The following TENM3 variants were observed in gnomAD, a reference collection of about 807,000 sequenced individuals.
TENM3 encodes the protein teneurin-3.
TENM3 carries 63 observed loss-of-function variants against 255.1 expected under a neutral mutation model. The ratio of observed to expected loss-of-function variants is 0.25; its 90% CI spans 0.20 to 0.30. The LOEUF is 0.30. Among genes scored for constraint, TENM3 ranks in the 10% least tolerant of loss-of-function variants. The probability of loss-of-function intolerance (pLI) is 1.00; values close to 1 mark genes in which losing one functional copy is unlikely to be tolerated. For synonymous variants in TENM3, 1,306 were observed against 1,322.3 expected (o/e 0.99, Z 0.27); for missense variants, 2,929 against 3,461.1 (o/e 0.85, Z 3.86).
intron 3 of TENM3, among the ~76,000 whole-genome samples, chr4:182,394,433 G>GA (rs1768657275): frequency 6.6e-6 from 1 of 152,094 alleles, no homozygotes; most frequent in South Asian, 2.1e-4. Flanking sequence ...CTTATCTTGT[G>GA]AAAAAATAAG....
At chr4:181,920,380 T>A in the TENM3 span, among the ~76,000 whole-genome samples, 1 of 151,904 alleles carries the variant, frequency 6.6e-6, no homozygotes, top group East Asian at 1.9e-4. Context: ...TTTCTCCACA[T>A]CCTCTCCAGC....
chr4:181,493,157 A>T, the TENM3 span, among the ~76,000 whole-genome samples: 1 of 152,050 alleles, frequency 6.6e-6, no homozygotes, highest in Non-Finnish European at 1.5e-5. Flanking sequence ...GAGGCCAGAC[A>T]CTGTGGCTCA....
the TENM3 span, among the ~76,000 whole-genome samples, chr4:182,123,468 G>T: frequency 2.0e-5 from 3 of 152,166 alleles, no homozygotes; most frequent in African/African-American, 4.8e-5. Context: ...CCATTGCAGT[G>T]TTAATAACTA....
the TENM3 span, among the ~76,000 whole-genome samples, chr4:181,995,050 A>T: frequency 6.6e-6 from 1 of 152,152 alleles, no homozygotes; most frequent in African/African-American, 2.4e-5. Flanking sequence ...GCACTTTGAG[A>T]AGCTGAGGCG....
the TENM3 span, among the ~76,000 whole-genome samples, chr4:181,718,734 G>T: frequency 2.0e-5 from 3 of 152,076 alleles, no homozygotes; most frequent in Non-Finnish European, 4.4e-5. Flanking sequence ...CTATTAAATT[G>T]TAGTGGAATG....
the TENM3 span, among the ~76,000 whole-genome samples, chr4:181,882,100 T>C: frequency 6.6e-6 from 1 of 152,174 alleles, no homozygotes; most frequent in South Asian, 2.1e-4. Context: ...ACATATGTTT[T>C]CAAGGGCTTC....
intron 3 of TENM3, among the ~76,000 whole-genome samples, chr4:182,592,712 C>A (rs1373306590): frequency 1.3e-5 from 2 of 151,062 alleles, no homozygotes; most frequent in African/African-American, 4.9e-5. Flanking sequence ...AAGACTGTGT[C>A]AAAAAAAAAA....
the TENM3 span, among the ~76,000 whole-genome samples, chr4:181,494,871 G>C: frequency 0.46 from 70,003 of 151,690 alleles, 16,634 homozygotes; most frequent in Non-Finnish European, 0.53. Flanking sequence ...TCAAGATGTC[G>C]TGAATACTTC....
At chr4:182,267,053 A>C (rs551240137) in intron 1 of TENM3, among the ~76,000 whole-genome samples, 1 of 152,342 alleles carries the variant, frequency 6.6e-6, no homozygotes, top group East Asian at 1.9e-4. Context: ...AAAAACTTTC[A>C]AAACTCTCAT....
the TENM3 span, chr4:182,079,737 T>C: frequency 6.6e-6 from 1 of 152,368 alleles, no homozygotes; most frequent in Non-Finnish European, 1.5e-5. Flanking sequence ...CAGAGCTGAC[T>C]CCTCATCAGT....
chr4:182,362,711 A>G (rs1303280395), intron 3 of TENM3, among the ~76,000 whole-genome samples: 1 of 152,112 alleles, frequency 6.6e-6, no homozygotes, highest in African/African-American at 2.4e-5. Flanking sequence ...TTCGGCTCGC[A>G]CACGGTGCAC....
At chr4:181,985,719 A>C in the TENM3 span, among the ~76,000 whole-genome samples, 2 of 152,154 alleles carry the variant, frequency 1.3e-5, no homozygotes, top group East Asian at 3.9e-4. Flanking sequence ...AAGCAACAAA[A>C]TGTGGGGTTT....
At chr4:181,714,863 G>A in the TENM3 span, among the ~76,000 whole-genome samples, 1 of 152,280 alleles carries the variant, frequency 6.6e-6, no homozygotes, top group Admixed American at 6.5e-5. Flanking sequence ...TTGCCTGTGA[G>A]ATTCTAGTTT....
At chr4:181,692,082 C>T in the TENM3 span, among the ~76,000 whole-genome samples, 1 of 152,082 alleles carries the variant, frequency 6.6e-6, no homozygotes, top group Non-Finnish European at 1.5e-5. Flanking sequence ...GATTAGTTGG[C>T]ACATGGATGA....
chr4:182,165,885 C>A (rs1175828390), intron 1 of TENM3, among the ~76,000 whole-genome samples: 1 of 152,184 alleles, frequency 6.6e-6, no homozygotes, highest in Non-Finnish European at 1.5e-5. Context: ...AAGCGATTCT[C>A]CTGCCTCAGC....
chr4:181,914,451 T>C, the TENM3 span, among the ~76,000 whole-genome samples: 40 of 152,312 alleles, frequency 2.6e-4, no homozygotes, highest in South Asian at 7.9e-3. Flanking sequence ...TATTATATCA[T>C]GTTAACTAAA....
chr4:181,645,651 G>A, the TENM3 span, among the ~76,000 whole-genome samples: 3 of 152,164 alleles, frequency 2.0e-5, no homozygotes, highest in Non-Finnish European at 2.9e-5. Flanking sequence ...TCAGCTAGGT[G>A]GAACTCGTCC....
At chr4:182,553,542 T>A (rs201651229) in intron 3 of TENM3, among the ~76,000 whole-genome samples, 98 of 145,572 alleles carry the variant, frequency 6.7e-4, no homozygotes, top group South Asian at 6.4e-3. Context: ...TAATAAAATT[T>A]AAAAAAAAAA....
At chr4:182,026,243 T>C in the TENM3 span, among the ~76,000 whole-genome samples, 2 of 152,234 alleles carry the variant, frequency 1.3e-5, no homozygotes, top group Admixed American at 1.3e-4. Flanking sequence ...TTTGGGTTGG[T>C]GCCATTTGTA....
Sources: gnomAD v4.1 joint callset for allele counts (sites outside exome capture counted in the v4.1 genomes callset) on GRCh38, gnomAD v4.1.1 for gene constraint, MANE v1.5 for transcripts, NCBI Gene and HGNC (gene_info 2026-07-23, HGNC 2026-07-21) for gene names.